Variants in RGCC observed in about 807,000 individuals in gnomAD.
RGCC encodes the protein regulator of cell cycle.
In RGCC, 15 loss-of-function variants were observed where a neutral mutation model predicts 15.4. The ratio of observed to expected loss-of-function variants is 0.97; its 90% CI spans 0.65 to 1.50. The LOEUF (loss-of-function observed/expected upper bound fraction) is 1.50. Among genes scored for constraint, RGCC ranks in the 40% most tolerant of loss-of-function variants. The pLI, the probability that RGCC is intolerant of heterozygous loss-of-function variation, is 0.00. For synonymous variants in RGCC, 81 were observed against 78.0 expected (o/e 1.04, Z -0.20); for missense variants, 176 against 189.7 (o/e 0.93, Z 0.42).
chr13:41,466,209 TCACA>T (rs1183556708), intron 2 of RGCC, among the ~76,000 whole-genome samples: 6 of 145,838 alleles, frequency 4.1e-5, no homozygotes, highest in African/African-American at 1.3e-4. Flanking sequence ...ACTCATACAC[TCACA>T]CACTTTCTCA....
chr13:41,466,778 T>G lies in RGCC; in HGVS notation c.236-45T>G, dbSNP rs773025847. 5 of 1,296,346 alleles carry G rather than the reference T, an allele frequency of 3.9e-6. No individual in the cohort carries two copies. In the African/African-American group the frequency reaches 7.3e-5, roughly 19 times the overall value. The allele number at this position is 1,296,346 out of a possible 1,614,324, so 80.3% of individuals were successfully genotyped here. On this transcript the variant is annotated intron_variant, in intron 2 of 4. Coordinates refer to ENST00000379359, the MANE Select transcript of RGCC (RefSeq NM_014059.3). The stretch of plus-strand genomic sequence containing the variant: ...AGACTATAAAGTGCTAAGTCTATAA[T>G]CTCATGAGTACTATTTCTAATGAGT...
At chr13:41,464,843 A>G (rs1231964404) in intron 2 of RGCC, among the ~76,000 whole-genome samples, 1 of 152,148 alleles carries the variant, frequency 6.6e-6, no homozygotes, top group Non-Finnish European at 1.5e-5. Flanking sequence ...CCTCTGAAGG[A>G]AGCAAAGATT....
chr13:41,459,977 G>C (rs1381643796), intron 2 of RGCC, among the ~76,000 whole-genome samples: 1 of 152,200 alleles, frequency 6.6e-6, no homozygotes, highest in Non-Finnish European at 1.5e-5. Context: ...AACTTCCACT[G>C]GGTGGGATTT....
chr13:41,463,930 A>G (rs969539462), intron 2 of RGCC, among the ~76,000 whole-genome samples: 5 of 152,128 alleles, frequency 3.3e-5, no homozygotes, highest in African/African-American at 1.2e-4. Flanking sequence ...GAGGTGAACA[A>G]ATTGTGGTGT....
intron 4 of RGCC, 95 bp downstream of exon 4, chr13:41,468,933 G>T: frequency 6.2e-6 from 6 of 965,110 alleles, no homozygotes; most frequent in Non-Finnish European, 9.5e-6. Context: ...CCCTGGGGCA[G>T]AAAGTTTCAT....
At chr13:41,467,122 T>G (rs1284203241) in intron 3 of RGCC, among the ~76,000 whole-genome samples, 192 bp downstream of exon 3, 1 of 152,242 alleles carries the variant, frequency 6.6e-6, no homozygotes, top group East Asian at 1.9e-4. Context: ...AGTGTGAACA[T>G]GAAATCAGAT....
intron 2 of RGCC, among the ~76,000 whole-genome samples, chr13:41,461,151 T>C (rs1217025954): frequency 1.3e-5 from 2 of 152,196 alleles, no homozygotes; most frequent in Middle Eastern, 3.2e-3. Context: ...AATTGCAGTA[T>C]AACTTCACAT....
chr13:41,468,460 A>C (rs913766187), intron 3 of RGCC, among the ~76,000 whole-genome samples: 5 of 152,306 alleles, frequency 3.3e-5, no homozygotes, highest in African/African-American at 1.2e-4. Context: ...TTCCTCTTCT[A>C]GGTGAGGGAG....
chr13:41,464,648 A>G (rs1239082244), intron 2 of RGCC, among the ~76,000 whole-genome samples: 1 of 152,212 alleles, frequency 6.6e-6, no homozygotes, highest in African/African-American at 2.4e-5. Flanking sequence ...GGGCATACCC[A>G]TGGGAATGAG....
Position 41,458,280 on chromosome 13 carries a change from C to T in RGCC, c.50-5C>T, listed in dbSNP as rs369885020. ...CGTGCACTGAGCCCCTGGCCCTGCC[C>T]GCAGCCCCGGCCCTGGACTCGGCGG... On this transcript the variant is annotated splice_polypyrimidine_tract_variant and splice_region_variant and intron_variant, in intron 1 of 4. Transcript: ENST00000379359. The surrounding 1 kb of genome is among the most constrained non-coding windows in gnomAD (Gnocchi z 4.4). The T allele has an allele frequency of 4.3e-5, 68 of 1,564,074 alleles. No homozygotes were observed. Among genetic ancestry groups the T allele is most frequent in the Non-Finnish European group, 5.2e-5 (60 of 1,162,124 alleles).
intron 2 of RGCC, among the ~76,000 whole-genome samples, chr13:41,465,553 G>GCCA (rs143816906): frequency 2.6e-4 from 5 of 19,600 alleles, no homozygotes; most frequent in South Asian, 4.9e-3. Flanking sequence ...GCCCAGAGAT[G>GCCA]TACTAGCTCA....
In RGCC at chr13:41,466,798, A is replaced by G. The variant is rs752805564; in HGVS notation, c.236-25A>G. The G allele has an allele frequency of 2.7e-6, 4 of 1,455,428 alleles. No homozygotes were observed. In the South Asian group the frequency reaches 4.6e-5, roughly 17 times the overall value. 90.2% of individuals were successfully genotyped at this position (1,455,428 alleles called of 1,614,324 possible). ...TATAATCTCATGAGTACTATTTCTA[A>G]TGAGTATATTTTCCTTCCTGAAAGG... On this transcript the variant is annotated intron_variant, in intron 2 of 4. Coordinates refer to ENST00000379359, the MANE Select transcript of RGCC (RefSeq NM_014059.3).
chr13:41,461,663 A>G (rs989453145), intron 2 of RGCC, among the ~76,000 whole-genome samples: 2 of 152,198 alleles, frequency 1.3e-5, no homozygotes, highest in African/African-American at 4.8e-5. Context: ...TTATTATGAT[A>G]TTGTAGGACC....
At chr13:41,467,453 C>T (rs1320138000) in intron 3 of RGCC, among the ~76,000 whole-genome samples, 5 of 152,152 alleles carry the variant, frequency 3.3e-5, no homozygotes, top group Non-Finnish European at 7.3e-5. Context: ...TATTAATAGA[C>T]CTAAAATGTC....
chr13:41,466,058 G>GACACACACACACAC (rs1482924834), intron 2 of RGCC, among the ~76,000 whole-genome samples: 2 of 150,744 alleles, frequency 1.3e-5, no homozygotes, highest in African/African-American at 4.9e-5. Flanking sequence ...TACTTGATTT[G>GACACACACACACAC]ACACACACAC....
At position 41,463,723 on chromosome 13, in the gene RGCC, G is replaced by A. The variant is rs1217648873; in HGVS notation, c.236-3100G>A. Among the ~76,000 whole-genome samples, 11 of 152,230 alleles carry A rather than the reference G, an allele frequency of 7.2e-5. No individual in the cohort carries two copies. In the South Asian group the frequency reaches 1.9e-3, roughly 26 times the overall value. ...AGCCTGTGAACCTAAAGGATCAGAGGACAGTCCTGGCAATATTCTGGATCT... is the reference window on the plus strand; with the variant it reads ...AGCCTGTGAACCTAAAGGATCAGAGAACAGTCCTGGCAATATTCTGGATCT... On this transcript the variant is annotated intron_variant, in intron 2 of 4. Transcript: ENST00000379359.
At chr13:41,463,469 CTGTG>C (rs67077388) in intron 2 of RGCC, among the ~76,000 whole-genome samples, 28 of 121,190 alleles carry the variant, frequency 2.3e-4, no homozygotes, top group African/African-American at 5.3e-4. Flanking sequence ...TAATGTGTAT[CTGTG>C]TGTGTGTGTG....
intron 2 of RGCC, among the ~76,000 whole-genome samples, chr13:41,463,816 T>C (rs1039551475): frequency 6.6e-6 from 1 of 152,194 alleles, no homozygotes; most frequent in African/African-American, 2.4e-5. Flanking sequence ...GAATCTTTGC[T>C]GGATTCCTTT....
Position 41,470,541 on chromosome 13 carries a change from G to A in RGCC, c.*56G>A. On this transcript the variant is annotated 3_prime_UTR_variant, in exon 5 of 5. Coordinates refer to ENST00000379359, the MANE Select transcript of RGCC (RefSeq NM_014059.3). ...GGGAGAAGCTTCAGAAAGTTCCGAG[G>A]ACCTGCTAAAATCAGCTACTAGAAT... 6.3e-7 allele frequency: 1 copy of A among 1,579,840 alleles called. No individual in the cohort carries two copies. The highest frequency in any genetic ancestry group is 2.2e-5 in the East Asian group (1 of 44,752).
Sources: gnomAD v4.1 joint callset for allele counts (sites outside exome capture counted in the v4.1 genomes callset) on GRCh38, gnomAD v4.1.1 for gene constraint, Gnocchi (gnomAD v3.1) non-coding constraint, MANE v1.5 for transcripts, NCBI Gene and HGNC (gene_info 2026-07-23, HGNC 2026-07-21) for gene names.